TMTC1: variants seen among roughly 807,000 people sequenced by gnomAD.
The protein encoded by TMTC1 is transmembrane O-mannosyltransferase targeting cadherins 1.
A neutral mutation model predicts 104.8 loss-of-function variants in TMTC1; 73 were observed. That is an observed-to-expected ratio of 0.70 (90% confidence interval 0.58 to 0.85). The LOEUF (loss-of-function observed/expected upper bound fraction) is 0.85, where lower values mean the gene tolerates loss of function less well. Ranked by LOEUF, TMTC1 falls within the 40% of genes least tolerant of loss-of-function variation. The pLI is 0.00. For synonymous variants in TMTC1, 434 were observed against 428.7 expected (o/e 1.01, Z -0.15); for missense variants, 1,035 against 1,096.1 (o/e 0.94, Z 0.79).
At chr12:29,671,686 G>A (rs1204285649) in intron 5 of TMTC1, among the ~76,000 whole-genome samples, 10 of 152,200 alleles carry the variant, frequency 6.6e-5, no homozygotes, top group Admixed American at 6.5e-4. Context: ...GCAGAACTGG[G>A]ATTTGAATGT....
chr12:29,760,721 T>C (rs1004826494), intron 2 of TMTC1, among the ~76,000 whole-genome samples: 6 of 151,734 alleles, frequency 4.0e-5, no homozygotes, highest in African/African-American at 1.4e-4. Flanking sequence ...AATGAATATA[T>C]ATTACGCTAA....
chr12:29,600,062 G>A (rs1946524587), intron 7 of TMTC1, among the ~76,000 whole-genome samples: 1 of 141,858 alleles, frequency 7.0e-6, no homozygotes, highest in Non-Finnish European at 1.5e-5. Context: ...GTGGAAAATG[G>A]CTGTTTCTTG....
intron 6 of TMTC1, among the ~76,000 whole-genome samples, chr12:29,609,567 T>C (rs1417310516): frequency 6.6e-6 from 1 of 152,242 alleles, no homozygotes. Flanking sequence ...TATTGTGAAC[T>C]TTGAATCCAC....
At position 29,575,958 on chromosome 12, in the gene TMTC1, C is replaced by T. The variant is rs144246622; in HGVS notation, c.1419-3740G>A. ...CCGTCGTAACAGTTGTGGGGTAATA[C>T]GTCATCATGGTTTTGATCTGCGTTT... On this transcript the variant is annotated intron_variant, in intron 8 of 17. Coordinates refer to ENST00000539277, the MANE Select transcript of TMTC1 (RefSeq NM_001193451.2). 2.8e-4 allele frequency among the ~76,000 whole-genome samples: 42 copies of T among 152,214 alleles called. 1 individual carries two copies. The highest frequency in any genetic ancestry group is 7.5e-4 in the African/African-American group (31 of 41,522).
At chr12:29,520,479 A>C in intron 12 of TMTC1, 139 bp downstream of exon 12, 1 of 696,632 alleles carries the variant, frequency 1.4e-6, no homozygotes, top group South Asian at 1.7e-5. Context: ...GACAGCCCCG[A>C]GGTATAATGA....
chr12:29,540,994 C>CAA lies in TMTC1; in HGVS notation c.1677-4679_1677-4678dup, dbSNP rs139584029. ...TGGGCGACAGAGTGAGACTCTGTCT[C>CAA]AAAAAAAAATAAAAACAAACAAACA... is the stretch of plus-strand genomic sequence containing the variant. On this transcript the variant is annotated intron_variant, in intron 10 of 17. Coordinates refer to ENST00000539277, the MANE Select transcript of TMTC1 (RefSeq NM_001193451.2). Among the ~76,000 whole-genome samples, 791 of 149,270 alleles carry CAA rather than the reference C, an allele frequency of 5.3e-3. 4 individuals carry two copies. Among genetic ancestry groups the CAA allele is most frequent in the South Asian group, 0.023 (109 of 4,734 alleles).
At chr12:29,700,528 G>T (rs1160205119) in intron 5 of TMTC1, among the ~76,000 whole-genome samples, 1 of 152,068 alleles carries the variant, frequency 6.6e-6, no homozygotes, top group African/African-American at 2.4e-5. Flanking sequence ...GGTCTCCTAA[G>T]ATCCAACTTG....
intron 5 of TMTC1, chr12:29,660,726 A>G: frequency 2.2e-6 from 1 of 449,040 alleles, no homozygotes; most frequent in Non-Finnish European, 3.4e-6. Flanking sequence ...TTTGAATTAC[A>G]TGTCTGAGCT....
In TMTC1 at chr12:29,506,581, C is replaced by A; in HGVS notation, c.*265G>T. On this transcript the variant is annotated 3_prime_UTR_variant, in exon 18 of 18. Coordinates refer to ENST00000539277, the MANE Select transcript of TMTC1 (RefSeq NM_001193451.2). The stretch of plus-strand genomic sequence containing the variant: ...ATATCAAGAGAAATCTGGAGTTAAA[C>A]CAAACAAAAATCTGTAAAATGTGTA... 2.4e-6 allele frequency: 1 copy of A among 409,796 alleles called. No individual in the cohort carries two copies. The highest frequency in any genetic ancestry group is 4.4e-6 in the Non-Finnish European group (1 of 224,908). 25.4% of individuals were successfully genotyped at this position (409,796 alleles called of 1,614,324 possible). A position where few individuals can be genotyped will look rare whatever the true frequency, so the allele number is the denominator to read the frequency against.
At chr12:29,596,564 G>A (rs1946410028) in intron 7 of TMTC1, among the ~76,000 whole-genome samples, 1 of 152,156 alleles carries the variant, frequency 6.6e-6, no homozygotes. Flanking sequence ...AAGAATAATT[G>A]AGTGGACTTG....
chr12:29,653,893 T>C (rs1377154920), intron 5 of TMTC1, among the ~76,000 whole-genome samples: 1 of 152,166 alleles, frequency 6.6e-6, no homozygotes, highest in Non-Finnish European at 1.5e-5. Flanking sequence ...GCTGTTAACA[T>C]CAACTGTATC....
chr12:29,610,494 C>T (rs1946817791), intron 6 of TMTC1, among the ~76,000 whole-genome samples: 1 of 152,280 alleles, frequency 6.6e-6, no homozygotes, highest in African/African-American at 2.4e-5. Context: ...ATGCAATAGA[C>T]CACTTCTTAT....
At chr12:29,540,056 T>C (rs389198) in intron 10 of TMTC1, among the ~76,000 whole-genome samples, 152,028 of 152,240 alleles carry the variant, frequency 1, 75,909 homozygotes, top group Middle Eastern at 1. Context: ...GATATTTCAG[T>C]TTTTTTTTCT....
intron 5 of TMTC1, among the ~76,000 whole-genome samples, chr12:29,655,339 G>T (rs1031457625): frequency 6.6e-6 from 1 of 152,042 alleles, no homozygotes; most frequent in Admixed American, 6.6e-5. Context: ...ACAATGAATG[G>T]GAATGAGATT....
intron 8 of TMTC1, among the ~76,000 whole-genome samples, chr12:29,575,517 A>T (rs1945797139): frequency 6.6e-6 from 1 of 151,874 alleles, no homozygotes; most frequent in Non-Finnish European, 1.5e-5. Context: ...TTAAAATAAC[A>T]GCCCCCGAGA....
chr12:29,514,490 C>G lies in TMTC1; in HGVS notation c.2422G>C (p.Ala808Pro). 2 of 1,611,410 alleles carry G rather than the reference C, an allele frequency of 1.2e-6. No individual in the cohort carries two copies. The highest frequency in any genetic ancestry group is 1.7e-6 in the Non-Finnish European group (2 of 1,179,374). Residue 808 changes from alanine (A) to proline (P), a missense_variant, in exon 16 of 18, where the codon GCT becomes CCT. Ala to Pro is a conservative substitution (Grantham distance 27). Transcript: ENST00000539277. ...QLREQNLLDK[A>P]FESYRVAVQL... ...TTATGATGAGTTTATACCTCAAAAG[C>G]TTTGTCGAGAAGGTTCTGCTCTCTT... is the stretch of plus-strand genomic sequence containing the variant.
chr12:29,634,955 T>C (rs1828495334), intron 5 of TMTC1, among the ~76,000 whole-genome samples: 1 of 152,094 alleles, frequency 6.6e-6, no homozygotes, highest in African/African-American at 2.4e-5. Flanking sequence ...AGGTCAGTGG[T>C]AGAAAGGAAA....
chr12:29,784,407 C>G (rs908699909), upstream of TMTC1: 8 of 152,268 alleles, frequency 5.3e-5, no homozygotes, highest in Non-Finnish European at 1.0e-4. Flanking sequence ...TCCACCCGCC[C>G]CGCGCTCGCG....
intron 5 of TMTC1, among the ~76,000 whole-genome samples, chr12:29,649,022 C>T (rs990045898): frequency 1.3e-5 from 2 of 152,170 alleles, no homozygotes; most frequent in Admixed American, 6.5e-5. Flanking sequence ...CCCATCCATC[C>T]TCCACCTCTG....
Sources: allele counts gnomAD v4.1 joint callset (sites outside exome capture counted in the v4.1 genomes callset), GRCh38; gene constraint gnomAD v4.1.1; transcripts MANE v1.5; gene names NCBI Gene and HGNC (gene_info 2026-07-23, HGNC 2026-07-21).